PIGN: variants seen among roughly 807,000 people sequenced by gnomAD.
PIGN encodes phosphatidylinositol glycan anchor biosynthesis class N.
In PIGN, 117 loss-of-function variants were observed where a neutral mutation model predicts 125.4. The observed-to-expected ratio is 0.93, with a 90% CI of 0.80 to 1.09. PIGN has a LOEUF of 1.09. Among genes scored for constraint, PIGN ranks in the 50% least tolerant of loss-of-function variants. PIGN has a pLI of 0.00. For missense variants in PIGN, 1,075 were observed against 1,094.9 expected, an observed-to-expected ratio of 0.98 and a Z score of 0.26; for synonymous variants, 392 against 377.8, an observed-to-expected ratio of 1.04 and a Z score of -0.44.
intron 14 of PIGN, chr18:62,118,593 T>A (rs1012649683): frequency 6.6e-6 from 1 of 152,156 alleles, no homozygotes; most frequent in Non-Finnish European, 1.5e-5. Context: ...TCTTTGGCAA[T>A]CTTGGAAGAC....
intron 28 of PIGN, among the ~76,000 whole-genome samples, chr18:62,076,913 C>A (rs936595681): frequency 2.0e-5 from 3 of 152,088 alleles, no homozygotes; most frequent in African/African-American, 7.2e-5. Context: ...AGTATCAATC[C>A]CAATAAAGGC....
chr18:62,105,637 A>G lies in PIGN; in HGVS notation c.1768-3T>C. On this transcript the variant is annotated splice_region_variant and splice_polypyrimidine_tract_variant and intron_variant, in intron 19 of 30. Coordinates refer to ENST00000640252, the MANE Select transcript of PIGN (RefSeq NM_176787.5). ...AAAGTCCAACTCAGTGAGGTCATCT[A>G]AAATCAAGAAAAAAGTTATCTTTAG... 1 of 1,522,164 alleles carries G rather than the reference A, an allele frequency of 6.6e-7. No individual in the cohort carries two copies. Among genetic ancestry groups the G allele is most frequent in the Non-Finnish European group, 8.9e-7 (1 of 1,126,130 alleles). The allele number at this position is 1,522,164 out of a possible 1,614,324, so 94.3% of individuals were successfully genotyped here. A position where few individuals can be genotyped will look rare whatever the true frequency, so the allele number is the denominator to read the frequency against.
At chr18:62,120,046 T>C (rs996266521) in intron 14 of PIGN, among the ~76,000 whole-genome samples, 6 of 152,108 alleles carry the variant, frequency 3.9e-5, no homozygotes, top group South Asian at 2.1e-4. Flanking sequence ...TCTGATAAGA[T>C]AAAGGCCAAG....
At chr18:62,051,647 A>C (rs1445027918) in intron 30 of PIGN, 2 of 152,148 alleles carry the variant, frequency 1.3e-5, no homozygotes, top group African/African-American at 4.8e-5. Context: ...CCTTTCAAAA[A>C]ACCAGCTCCT....
intron 23 of PIGN, among the ~76,000 whole-genome samples, chr18:62,092,525 A>G (rs1353488111): frequency 1.3e-5 from 2 of 152,086 alleles, no homozygotes; most frequent in Non-Finnish European, 2.9e-5. Context: ...AACAAAATCC[A>G]TATCATGAAA....
At position 62,045,306 on chromosome 18, in the gene PIGN, G is replaced by A. The variant is rs2030582995; in HGVS notation, c.*550C>T. The A allele has an allele frequency of 1.3e-5, 2 of 151,976 alleles. No homozygotes were observed. The highest frequency in any genetic ancestry group is 1.3e-4 in the Admixed American group (2 of 15,264). The allele number at this position is 151,976 out of a possible 1,614,324, so 9.4% of individuals were successfully genotyped here. A position where few individuals can be genotyped will look rare whatever the true frequency, so the allele number is the denominator to read the frequency against. Reference sequence around the variant, plus strand: ...TGAGAAATAGCACTAAAAAGGATAAGATAGCATTATTGCATACTAAAGAAA... The same window carrying A: ...TGAGAAATAGCACTAAAAAGGATAAAATAGCATTATTGCATACTAAAGAAA... On this transcript the variant is annotated 3_prime_UTR_variant, in exon 31 of 31. Coordinates refer to ENST00000640252, the MANE Select transcript of PIGN (RefSeq NM_176787.5).
At chr18:62,069,047 G>A (rs1000748403) in intron 30 of PIGN, among the ~76,000 whole-genome samples, 1 of 152,186 alleles carries the variant, frequency 6.6e-6, no homozygotes, top group African/African-American at 2.4e-5. Flanking sequence ...AGAACTGTGA[G>A]TTTCTCATCC....
Position 62,084,571 on chromosome 18 carries a change from ACAGT to A in PIGN, c.2458_2461del (p.Thr820CysfsTer6). 1.9e-6 allele frequency: 3 copies of A among 1,560,384 alleles called. No individual in the cohort carries two copies. Among genetic ancestry groups the A allele is most frequent in the Non-Finnish European group, 2.6e-6 (3 of 1,151,008 alleles). ...GGCTCCCATCATAAAAGGACTGAAC[ACAGT>A]CAGAAAGCAATAGACAGAGGCAAGA... On this transcript the variant is annotated frameshift_variant, in exon 27 of 31. Transcript: ENST00000640252. LOFTEE classifies it high-confidence loss of function.
At position 62,114,722 on chromosome 18, in the gene PIGN, A is replaced by T. The variant is rs13381633; in HGVS notation, c.1173-83T>A. ...TTTTTTCCCCTTAATTAAAAAACAA[A>T]GATAGTGAAAATTACAAAACAGCAA... On this transcript the variant is annotated intron_variant, in intron 14 of 30. Coordinates refer to ENST00000640252, the MANE Select transcript of PIGN (RefSeq NM_176787.5). 117,161 of 613,336 alleles carry T rather than the reference A, an allele frequency of 0.19. 13,055 individuals are homozygous for T. The highest frequency in any genetic ancestry group is 0.23 in the Non-Finnish European group (89,611 of 389,190). 38.0% of individuals were successfully genotyped at this position (613,336 alleles called of 1,614,324 possible).
intron 28 of PIGN, among the ~76,000 whole-genome samples, chr18:62,079,966 AT>A (rs1463169581): frequency 1.3e-5 from 2 of 152,180 alleles, no homozygotes; most frequent in Non-Finnish European, 2.9e-5. Flanking sequence ...TCTGATTCAA[AT>A]TTGGATTCCT....
chr18:62,036,401 G>A (rs2030261342), downstream of PIGN, among the ~76,000 whole-genome samples: 1 of 151,968 alleles, frequency 6.6e-6, no homozygotes, highest in South Asian at 2.1e-4. Flanking sequence ...CACCCTGCCT[G>A]GCTCTGGGCA....
intron 1 of PIGN, among the ~76,000 whole-genome samples, chr18:62,181,599 C>T (rs56225378): frequency 0.17 from 26,085 of 152,004 alleles, 2,814 homozygotes; most frequent in Middle Eastern, 0.29. Context: ...TTTTGTAGAG[C>T]GGGGGTCTTG....
At chr18:62,165,416 A>G (rs2037097190) in intron 1 of PIGN, among the ~76,000 whole-genome samples, 1 of 152,204 alleles carries the variant, frequency 6.6e-6, no homozygotes, top group South Asian at 2.1e-4. Context: ...GGCTTCAATA[A>G]AAGGATATGG....
rs555850839 is a variant in PIGN at position 62,061,009 on chromosome 18, G to A, written c.2672+11664C>T. Among the ~76,000 whole-genome samples, 8 of 152,260 alleles carry A rather than the reference G, an allele frequency of 5.3e-5. No individual in the cohort carries two copies. The East Asian group carries it at 1.5e-3, about 29-fold the overall frequency. On this transcript the variant is annotated intron_variant, in intron 30 of 30. Transcript: ENST00000640252. The stretch of plus-strand genomic sequence containing the variant: ...GCCTGGGCAGGATATTTTTCACATG[G>A]CTGTTAAAAAGCATACCCGATGCCA...
At chr18:62,138,159 A>T in intron 14 of PIGN, 84 bp downstream of exon 14, 3 of 1,506,860 alleles carry the variant, frequency 2.0e-6, no homozygotes, top group Non-Finnish European at 1.8e-6. Context: ...GTATAAGTAA[A>T]CTAATCCTAT....
chr18:62,037,726 C>T (rs1223203718), downstream of PIGN, among the ~76,000 whole-genome samples: 1 of 152,170 alleles, frequency 6.6e-6, no homozygotes, highest in Non-Finnish European at 1.5e-5. Flanking sequence ...ATTTTTCTCT[C>T]GTTACTATCT....
At chr18:62,117,385 A>C (rs2035126289) in intron 14 of PIGN, among the ~76,000 whole-genome samples, 1 of 152,122 alleles carries the variant, frequency 6.6e-6, no homozygotes, top group Non-Finnish European at 1.5e-5. Context: ...CAGAGGAGTA[A>C]TTAAAGGAAT....
intron 30 of PIGN, among the ~76,000 whole-genome samples, chr18:62,062,853 C>T (rs1223282803): frequency 9.9e-6 from 1 of 101,008 alleles, no homozygotes; most frequent in Non-Finnish European, 2.0e-5. Context: ...GAATGATGCT[C>T]ATTATTTGTT....
rs1284528061 is a variant in PIGN, at chr18:62,143,176, C to T, written c.963+130G>A. The T allele has an allele frequency of 6.6e-6, 4 of 601,994 alleles. No individual in the cohort carries two copies. The African/African-American group carries it at 7.8e-5, about 12-fold the overall frequency. The allele number at this position is 601,994 out of a possible 1,614,324, so 37.3% of individuals were successfully genotyped here. A position where few individuals can be genotyped will look rare whatever the true frequency, so the allele number is the denominator to read the frequency against. On this transcript the variant is annotated intron_variant, in intron 11 of 30. Transcript: ENST00000640252. ...CTAAAATATTTGCACTAAAAGAATT[C>T]CCCTTAGTAACTGAAATGTTTTGAA...
Sources: gnomAD v4.1 joint callset for allele counts (sites outside exome capture counted in the v4.1 genomes callset) on GRCh38, gnomAD v4.1.1 for gene constraint, MANE v1.5 for transcripts, NCBI Gene and HGNC (gene_info 2026-07-23, HGNC 2026-07-21) for gene names.